Variants in OR52I2 observed in about 807,000 individuals in gnomAD.
OR52I2 encodes olfactory receptor family 52 subfamily I member 2.
For missense variants in OR52I2, 350 were observed against 402.4 expected, an observed-to-expected ratio of 0.87 and a Z score of 1.11; for synonymous variants, 147 against 151.9, an observed-to-expected ratio of 0.97 and a Z score of 0.24.
At chr11:4,585,556 C>T (rs1381535621) in intron 1 of OR52I2, among the ~76,000 whole-genome samples, 1 of 152,012 alleles carries the variant, frequency 6.6e-6, no homozygotes, top group Non-Finnish European at 1.5e-5. Flanking sequence ...TATGGTAACA[C>T]CTGAAAGAGG....
exon 2 of OR52I2, chr11:4,586,999 G>T: frequency 6.2e-7 from 1 of 1,614,150 alleles, no homozygotes; most frequent in East Asian, 2.2e-5. Flanking sequence ...CTCACTGAGT[G>T]CCATGTACAT....
exon 2 of OR52I2, chr11:4,589,729 T>A (rs1011418578): frequency 6.6e-5 from 10 of 152,026 alleles, no homozygotes; most frequent in African/African-American, 1.2e-4. Context: ...AACCCAGTAG[T>A]AGGGCTGATT....
chr11:4,590,704 C>T (rs772904039), exon 2 of OR52I2: 1 of 152,122 alleles, frequency 6.6e-6, no homozygotes, highest in Non-Finnish European at 1.5e-5. Context: ...TGCAATAATG[C>T]ACAAGTCTGA....
rs150428465 is a variant in OR52I2, at chr11:4,582,687, G to A, written c.-20+823G>A. On this transcript the variant is annotated intron_variant, in intron 1 of 1. Coordinates refer to ENST00000641896, the Ensembl canonical transcript of OR52I2. ...TGAGCTCAGACAATCCTACCACCTC[G>A]GCCTCCCAAAGTGCTGGGATTACAG... 1.8e-3 allele frequency among the ~76,000 whole-genome samples: 280 copies of A among 151,852 alleles called. 2 individuals carry two copies. The highest frequency in any genetic ancestry group is 6.6e-3 in the African/African-American group (273 of 41,424).
chr11:4,584,016 T>C (rs1430952760), intron 1 of OR52I2, among the ~76,000 whole-genome samples: 2 of 152,198 alleles, frequency 1.3e-5, no homozygotes, highest in Non-Finnish European at 2.9e-5. Context: ...ATTCCATTAA[T>C]CTGATCTATT....
chr11:4,588,582 T>C (rs543218773), exon 2 of OR52I2: 2 of 152,342 alleles, frequency 1.3e-5, no homozygotes, highest in South Asian at 2.1e-4. Flanking sequence ...CTATCTCCAG[T>C]TGAAAAACTC....
chr11:4,586,349 C>G (rs1378119697), intron 1 of OR52I2, among the ~76,000 whole-genome samples: 8 of 152,106 alleles, frequency 5.3e-5, no homozygotes, highest in Non-Finnish European at 1.0e-4. Flanking sequence ...CAACTAGTAA[C>G]TGAGCGTACA....
exon 2 of OR52I2, chr11:4,590,092 C>T (rs1341917989): frequency 1.3e-5 from 2 of 152,184 alleles, no homozygotes; most frequent in African/African-American, 4.8e-5. Context: ...TAAACATTAA[C>T]AACCAGAGGG....
chr11:4,585,886 A>C (rs1257956017), intron 1 of OR52I2, among the ~76,000 whole-genome samples: 1 of 152,244 alleles, frequency 6.6e-6, no homozygotes, highest in Non-Finnish European at 1.5e-5. Context: ...CACTCAGACT[A>C]TGAATACTAC....
chr11:4,585,135 T>C lies in OR52I2; in HGVS notation c.-19-1737T>C, dbSNP rs79927100. Among the ~76,000 whole-genome samples the C allele has an allele frequency of 7.0e-4, 106 of 152,308 alleles. No homozygotes were observed. In the East Asian group the frequency reaches 0.019, roughly 28 times the overall value. ...CTAAGGCAAAGCGGCTAGCAAGTGA[T>C]AGAGTGGATTTTTAAGTCTATGGGT... On this transcript the variant is annotated intron_variant, in intron 1 of 1. Transcript: ENST00000641896.
At position 4,587,042 on chromosome 11, in the gene OR52I2, C is replaced by T. The variant is rs1846307514; in HGVS notation, c.152C>T (p.Thr51Ile). The stretch of plus-strand genomic sequence containing the variant: ...CTGTTAGGAAACACCATCATCGTGA[C>T]TGCAATCTGGATGGATTCCACTCGG... Residue 51 changes from threonine (T) to isoleucine (I), a missense_variant, in exon 2 of 2, where the codon ACT (threonine) becomes ATT (isoleucine). By Grantham distance (89) the Thr-to-Ile change is moderately conservative (BLOSUM62 -1). Transcript: ENST00000641896. 1 of 1,614,164 alleles carries T rather than the reference C, an allele frequency of 6.2e-7. No individual in the cohort carries two copies. Among genetic ancestry groups the T allele is most frequent in the Non-Finnish European group, 8.5e-7 (1 of 1,180,010 alleles).
At chr11:4,589,612 A>T (rs1846335758) in exon 2 of OR52I2, 1 of 152,104 alleles carries the variant, frequency 6.6e-6, no homozygotes, top group African/African-American at 2.4e-5. Flanking sequence ...AAGGTGGGAG[A>T]GAGAATGGGA....
exon 2 of OR52I2, chr11:4,590,760 AT>A (rs1238418002): frequency 6.6e-6 from 1 of 151,998 alleles, no homozygotes; most frequent in African/African-American, 2.4e-5. Context: ...GCATACCCTG[AT>A]TTTTTCTTTC....
exon 2 of OR52I2, chr11:4,591,664 A>G (rs1329050396): frequency 6.6e-6 from 1 of 152,212 alleles, no homozygotes; most frequent in African/African-American, 2.4e-5. Context: ...ACAATAGAAA[A>G]AATATTTGAA....
chr11:4,583,065 A>G (rs1165646265), intron 1 of OR52I2, among the ~76,000 whole-genome samples: 1 of 152,202 alleles, frequency 6.6e-6, no homozygotes, highest in Non-Finnish European at 1.5e-5. Flanking sequence ...TTTTGGTAAA[A>G]CAGGAAGAAA....
At chr11:4,592,907 T>A (rs1846362591) in exon 2 of OR52I2, 7 of 152,236 alleles carry the variant, frequency 4.6e-5, no homozygotes, top group Admixed American at 4.6e-4. Context: ...TATCCATAGT[T>A]GTCTTGTTGA....
At chr11:4,587,919 G>A (rs1285565251) in exon 2 of OR52I2, 1 of 1,441,144 alleles carries the variant, frequency 6.9e-7, no homozygotes, top group African/African-American at 1.4e-5. Context: ...GAGATCTGCA[G>A]AGCTTAGTTT....
At chr11:4,585,086 G>T (rs1328816441) in intron 1 of OR52I2, among the ~76,000 whole-genome samples, 1 of 152,164 alleles carries the variant, frequency 6.6e-6, no homozygotes, top group Non-Finnish European at 1.5e-5. Flanking sequence ...AGAAACTGGG[G>T]CTTGGTGCGT....
exon 2 of OR52I2, chr11:4,593,121 AC>A (rs1846365214): frequency 6.6e-6 from 1 of 152,396 alleles, no homozygotes; most frequent in Non-Finnish European, 1.5e-5. Context: ...ACTGGCACAT[AC>A]TGTGTTAATA....
Sources: gnomAD v4.1 joint callset for allele counts (sites outside exome capture counted in the v4.1 genomes callset) on GRCh38, gnomAD v4.1.1 for gene constraint, MANE v1.5 for transcripts, NCBI Gene and HGNC (gene_info 2026-07-23, HGNC 2026-07-21) for gene names.